The following SLC6A9 variants were observed in gnomAD, a reference collection of about 807,000 sequenced individuals.
The protein encoded by SLC6A9 is solute carrier family 6 member 9.
SLC6A9 carries 31 observed loss-of-function variants against 70.9 expected under a neutral mutation model. That is an observed-to-expected ratio of 0.44 (90% CI 0.33 to 0.59). SLC6A9 has a LOEUF of 0.59. Ranked by LOEUF, SLC6A9 falls within the 20% of genes least tolerant of loss-of-function variation. The pLI is 0.04. For missense variants in SLC6A9, 631 were observed against 845.2 expected, an observed-to-expected ratio of 0.75 and a Z score of 3.14; for synonymous variants, 310 against 341.3, an observed-to-expected ratio of 0.91 and a Z score of 1.01.
At chr1:44,005,944 C>A (rs1223425932) in intron 5 of SLC6A9, among the ~76,000 whole-genome samples, 2 of 152,204 alleles carry the variant, frequency 1.3e-5, no homozygotes, top group Non-Finnish European at 2.9e-5. Flanking sequence ...CTCCACCAGC[C>A]AGATTTCTTT....
chr1:44,008,762 C>G (rs1187191940), intron 4 of SLC6A9, 139 bp from the exon 5 acceptor site: 1 of 687,914 alleles, frequency 1.5e-6, no homozygotes, highest in Non-Finnish European at 2.4e-6. Flanking sequence ...CTCTGACACC[C>G]AGGCTGGAGT....
rs34308293 is a variant in SLC6A9, at chr1:44,003,748, C to CAAAA, written c.591-767_591-764dup. ...GGGCAACAAAGCAAAAGTCCAATCTCAAAAAAAAAAAAAAAAAAAAAAAAG... is the reference window on the plus strand; with the variant it reads ...GGGCAACAAAGCAAAAGTCCAATCTCAAAAAAAAAAAAAAAAAAAAAAAAAAAAG... On this transcript the variant is annotated intron_variant, in intron 5 of 13. Transcript: ENST00000372310. Among the ~76,000 whole-genome samples, 8 of 71,964 alleles carry CAAAA rather than the reference C, an allele frequency of 1.1e-4. No individual in the cohort carries two copies. The South Asian group carries it at 3.6e-3, about 32-fold the overall frequency. 47.2% of individuals were successfully genotyped at this position (71,964 alleles called of 152,430 possible). A position where few individuals can be genotyped will look rare whatever the true frequency, so the allele number is the denominator to read the frequency against.
At chr1:43,999,934 A>C (rs891757037) in intron 12 of SLC6A9, among the ~76,000 whole-genome samples, 11 of 152,178 alleles carry the variant, frequency 7.2e-5, no homozygotes, top group African/African-American at 2.7e-4. Context: ...GAAGGAGCCA[A>C]GTCATACGGT....
intron 2 of SLC6A9, among the ~76,000 whole-genome samples, chr1:44,023,231 G>GAAGA (rs1227529120): frequency 1.3e-5 from 2 of 152,204 alleles, no homozygotes; most frequent in African/African-American, 2.4e-5. Context: ...TGTCCCCAGG[G>GAAGA]AAGATCTCAA....
Position 44,002,306 on chromosome 1 carries a change from C to T in SLC6A9, c.962+7G>A. The T allele has an allele frequency of 1.9e-6, 3 of 1,602,062 alleles. No individual in the cohort carries two copies. The highest frequency in any genetic ancestry group is 1.1e-5 in the South Asian group (1 of 90,806). ...GGGGCAGCCTCAGCCCAGCAGGGAG[C>T]ACTCACCGGTAACAGTTATTGTGGA... On this transcript the variant is annotated splice_region_variant and intron_variant, in intron 8 of 13. Coordinates refer to ENST00000372310, the MANE Select transcript of SLC6A9 (RefSeq NM_001024845.3). This position sits in a 1 kb window ranked among gnomAD's most constrained non-coding sequence, Gnocchi z 5.5.
At position 44,002,985 on chromosome 1, in the gene SLC6A9, C is replaced by G; in HGVS notation, c.591G>C (p.Arg197Ser). 6.2e-7 allele frequency: 1 copy of G among 1,614,068 alleles called. No homozygotes were observed. The highest frequency in any genetic ancestry group is 8.5e-7 in the Non-Finnish European group (1 of 1,179,976). ...CATCTGACAGCTTCAGCACGTACAG[C>G]CTGGGAAGGGGAGACTCTGTCACTG... ...QRTSPSEEYW[R>S]LYVLKLSDDI... Residue 197 changes from arginine (R) to serine (S), a missense_variant and splice_region_variant, in exon 6 of 14, where the codon AGG becomes AGC. Physicochemically the swap from Arg to Ser is moderately radical, Grantham distance 110. Transcript: ENST00000372310. This position sits in a 1 kb window ranked among gnomAD's most constrained non-coding sequence, Gnocchi z 5.5.
chr1:44,010,247 C>T (rs2086497324), intron 3 of SLC6A9, 151 bp from the exon 4 acceptor site: 2 of 684,196 alleles, frequency 2.9e-6, no homozygotes, highest in Non-Finnish European at 4.9e-6. Flanking sequence ...GGCTGAGGCA[C>T]ACCACCCCCA....
chr1:44,011,527 G>A, intron 2 of SLC6A9: 1 of 1,598,026 alleles, frequency 6.3e-7, no homozygotes, highest in Non-Finnish European at 8.6e-7. Flanking sequence ...TAGCTACACT[G>A]CCCATGGCTG....
rs2086679213 is a variant in SLC6A9 at position 44,014,587 on chromosome 1, C to A, written c.31-3705G>T. The A allele has an allele frequency of 2.0e-5, 3 of 152,164 alleles. No homozygotes were observed. The South Asian group carries it at 6.2e-4, about 32-fold the overall frequency. The allele number at this position is 152,164 out of a possible 1,614,324, so 9.4% of individuals were successfully genotyped here. ...AGCCTCCCACCCCTTCCCTGCCTAGCTGGGAGAGCCACACTGAGCAAAGTC... is the reference window on the plus strand; with the variant it reads ...AGCCTCCCACCCCTTCCCTGCCTAGATGGGAGAGCCACACTGAGCAAAGTC... On this transcript the variant is annotated intron_variant, in intron 2 of 13. Coordinates refer to ENST00000372310, the MANE Select transcript of SLC6A9 (RefSeq NM_001024845.3).
chr1:44,023,093 C>T lies in SLC6A9; in HGVS notation c.30+1155G>A, dbSNP rs116391472. On this transcript the variant is annotated intron_variant, in intron 2 of 13. Coordinates refer to ENST00000372310, the MANE Select transcript of SLC6A9 (RefSeq NM_001024845.3). ...GTTTGGGGAGGGCTCAGTAGAGACA[C>T]CAGGCCAATGACTCTTTCACTAAAT... Among the ~76,000 whole-genome samples, 996 of 152,184 alleles carry T rather than the reference C, an allele frequency of 6.5e-3. 15 individuals are homozygous for T. Among genetic ancestry groups the T allele is most frequent in the African/African-American group, 0.023 (942 of 41,518 alleles).
intron 2 of SLC6A9, chr1:44,014,842 G>A (rs1216789250): frequency 1.3e-5 from 2 of 152,194 alleles, no homozygotes; most frequent in Non-Finnish European, 1.5e-5. Context: ...CAGCACTGCT[G>A]TCTACAAAAG....
chr1:43,999,797 G>T (rs1387587942), intron 12 of SLC6A9, among the ~76,000 whole-genome samples: 1 of 152,146 alleles, frequency 6.6e-6, no homozygotes. Context: ...CAAGAGTGTG[G>T]CTCTGAACAC....
At position 44,001,188 on chromosome 1, in the gene SLC6A9, C is replaced by G. The variant is rs1043389439; in HGVS notation, c.1311G>C (p.Leu437=). 6.2e-7 allele frequency: 1 copy of G among 1,614,262 alleles called. No homozygotes were observed. Among genetic ancestry groups the G allele is most frequent in the Non-Finnish European group, 8.5e-7 (1 of 1,180,048 alleles). ...CCTGGCTGGTGAGGGGGATGCCCAG[C>G]AGGAAGCCAGCCACAGCCACGCCCA... ...VTLGVAVAGF[L]LGIPLTSQAG... is the part of the protein sequence containing the mutation. The change falls in exon 10 of 14, where the codon CTG becomes CTC. Residue 437 remains leucine, a synonymous_variant. Coordinates refer to ENST00000372310, the MANE Select transcript of SLC6A9 (RefSeq NM_001024845.3).
chr1:44,010,460 G>GGGT (rs1212023271), intron 3 of SLC6A9: 3 of 175,754 alleles, frequency 1.7e-5, no homozygotes, highest in South Asian at 2.0e-4. Context: ...TGTGGGCGGG[G>GGGT]GGGGGGGGGG....
At chr1:44,003,583 C>T (rs1011792383) in intron 5 of SLC6A9, among the ~76,000 whole-genome samples, 3 of 151,836 alleles carry the variant, frequency 2.0e-5, no homozygotes, top group Admixed American at 6.6e-5. Flanking sequence ...ATGGTGAAAC[C>T]CCGTCTCTAC....
intron 2 of SLC6A9, among the ~76,000 whole-genome samples, chr1:44,012,001 G>T (rs1366727864): frequency 1.3e-5 from 2 of 152,214 alleles, no homozygotes; most frequent in Non-Finnish European, 2.9e-5. Flanking sequence ...CAGGGGCTCA[G>T]TGTCACCAAC....
At chr1:44,001,748 G>A in intron 8 of SLC6A9, 121 bp from the exon 9 acceptor site, 1 of 730,558 alleles carries the variant, frequency 1.4e-6, no homozygotes, top group Non-Finnish European at 2.4e-6. Context: ...TGGAGTGGGA[G>A]ACAGGGTCTC....
chr1:44,001,255 A>G lies in SLC6A9; in HGVS notation c.1244T>C (p.Val415Ala), dbSNP rs143899045. ...ETLVTAIVDE[V>A]GNEWILQKKT... is the part of the protein sequence containing the mutation. ...TTTCTGCAGGATCCACTCATTCCCC[A>G]CCTCATCCACAATGGCTGTGACCAG... is the stretch of plus-strand genomic sequence containing the variant. The change falls in exon 10 of 14, where the codon GTG (valine) becomes GCG (alanine). Residue 415 changes from valine (V) to alanine (A), a missense_variant. Transcript: ENST00000372310. The G allele has an allele frequency of 2.4e-5, 39 of 1,613,934 alleles. No individual in the cohort carries two copies. Among genetic ancestry groups the G allele is most frequent in the Non-Finnish European group, 3.1e-5 (37 of 1,180,002 alleles).
intron 2 of SLC6A9, 110 bp from the exon 3 acceptor site, chr1:44,010,992 G>C (rs955073694): frequency 1.7e-6 from 2 of 1,156,482 alleles, no homozygotes; most frequent in Admixed American, 2.0e-5. Context: ...CCCCTCCCCG[G>C]GCTTCCCCTC....
Sources: gnomAD v4.1 joint callset for allele counts (sites outside exome capture counted in the v4.1 genomes callset) on GRCh38, gnomAD v4.1.1 for gene constraint, Gnocchi (gnomAD v3.1) non-coding constraint, MANE v1.5 for transcripts, NCBI Gene and HGNC (gene_info 2026-07-23, HGNC 2026-07-21) for gene names.